TTI1: variants seen among roughly 807,000 people sequenced by gnomAD.
TTI1 encodes TELO2 interacting protein 1, also known as TELO2-interacting protein 1 homolog.
TTI1 carries 52 observed loss-of-function variants against 85.4 expected under a neutral mutation model. The ratio of observed to expected loss-of-function variants is 0.61; its 90% CI spans 0.49 to 0.77. The LOEUF is 0.77. Among genes scored for constraint, TTI1 ranks in the 30% least tolerant of loss-of-function variants. The pLI is 0.00. For synonymous variants in TTI1, 512 were observed against 503.9 expected (o/e 1.02, Z -0.22); for missense variants, 1,173 against 1,296.0 (o/e 0.91, Z 1.46).
intron 7 of TTI1, among the ~76,000 whole-genome samples, chr20:37,984,421 T>G (rs934492866): frequency 2.0e-5 from 3 of 152,186 alleles, no homozygotes; most frequent in Non-Finnish European, 2.9e-5. Context: ...TTTATCTTCG[T>G]CTGAACTTTG....
chr20:38,014,787 A>T (rs1328444528), intron 1 of TTI1, among the ~76,000 whole-genome samples: 3 of 152,166 alleles, frequency 2.0e-5, no homozygotes, highest in Non-Finnish European at 4.4e-5. Context: ...TGTGAAGAGA[A>T]ATTCAAAGTC....
At chr20:37,993,259 T>C (rs2122498129) in intron 7 of TTI1, among the ~76,000 whole-genome samples, 1 of 138,916 alleles carries the variant, frequency 7.2e-6, no homozygotes, top group South Asian at 2.4e-4. Context: ...CAAGGCACAT[T>C]TGCTAGATAA....
At chr20:37,995,370 C>G (rs532523849) in intron 7 of TTI1, among the ~76,000 whole-genome samples, 1 of 152,394 alleles carries the variant, frequency 6.6e-6, no homozygotes, top group African/African-American at 2.4e-5. Context: ...CCTCACTGCA[C>G]AGTCAGAGCA....
chr20:37,989,566 T>C (rs764428499), intron 7 of TTI1, among the ~76,000 whole-genome samples: 4 of 152,256 alleles, frequency 2.6e-5, no homozygotes, highest in Non-Finnish European at 4.4e-5. Context: ...CCAGTTCTCC[T>C]GCCTCCAGGA....
chr20:37,990,033 A>T (rs2073241425), intron 7 of TTI1, among the ~76,000 whole-genome samples: 2 of 152,164 alleles, frequency 1.3e-5, no homozygotes, highest in South Asian at 4.1e-4. Flanking sequence ...AAAAACTCTT[A>T]TTCAGGTACT....
In TTI1 at chr20:37,983,459, C is replaced by G. The variant is rs199770380; in HGVS notation, c.3267G>C (p.Gln1089His). Residue 1089 changes from glutamine (Q) to histidine (H), a missense_variant, in exon 8 of 8, where the codon CAG (glutamine) becomes CAC (histidine). Gln to His is a conservative substitution (Grantham distance 24). Coordinates refer to ENST00000373447, the MANE Select transcript of TTI1 (RefSeq NM_001303457.2). The part of the protein sequence containing the change: ...TNVLQLLKEL[Q>H] The stretch of plus-strand genomic sequence containing the variant: ...CCTCTGTGGTGGGGGAGCAGGGTCA[C>G]TGCAGCTCCTTGAGCAGCTGGAGCA... 5.0e-6 allele frequency: 8 copies of G among 1,609,828 alleles called. No individual in the cohort carries two copies. In the Admixed American group the frequency reaches 1.2e-4, roughly 24 times the overall value.
intron 4 of TTI1, among the ~76,000 whole-genome samples, chr20:38,000,230 C>T (rs567875267): frequency 2.0e-5 from 3 of 152,040 alleles, no homozygotes; most frequent in South Asian, 4.1e-4. Flanking sequence ...ATGGGGAGCA[C>T]GCGGGAGGAG....
chr20:37,999,480 G>A (rs2073390181), intron 4 of TTI1, 152 bp from the exon 5 acceptor site: 1 of 827,106 alleles, frequency 1.2e-6, no homozygotes, highest in East Asian at 3.4e-5. Flanking sequence ...GCTAGGTACT[G>A]AGGGGACACA....
At position 37,992,193 on chromosome 20, in the gene TTI1, G is replaced by C. The variant is rs551287358; in HGVS notation, c.3086+4182C>G. On this transcript the variant is annotated intron_variant, in intron 7 of 7. Transcript: ENST00000373447. ...CCCTATCTGGGCTCTGGGGTTAGCA[G>C]GTGGGAGTAGGACTGGGGGTGGAGG... is the stretch of plus-strand genomic sequence containing the variant. Among the ~76,000 whole-genome samples, 8 of 152,336 alleles carry C rather than the reference G, an allele frequency of 5.3e-5. No individual in the cohort carries two copies. In the East Asian group the frequency reaches 1.5e-3, roughly 29 times the overall value.
rs765840379 is a variant in TTI1 at position 37,996,400 on chromosome 20, C to T, written c.3061G>A (p.Val1021Met). Residue 1021 changes from valine to methionine, a missense_variant, in exon 7 of 8, where the codon GTG (valine) becomes ATG (methionine). By Grantham distance (21) the Val-to-Met change is conservative. Transcript: ENST00000373447. ...CLIYLSVKQP[V>M]KLQEAARSVF... ...CTCCTGGCAGCCTCTTGTAATTTCA[C>T]GGGCTGTTTGACACTGAGGTAAATC... The T allele has an allele frequency of 1.5e-5, 25 of 1,613,974 alleles. 1 individual carries two copies. Among genetic ancestry groups the T allele is most frequent in the African/African-American group, 1.2e-4 (9 of 74,910 alleles).
At chr20:37,987,275 T>C (rs1600599128) in intron 7 of TTI1, 2 of 456,750 alleles carry the variant, frequency 4.4e-6, no homozygotes, top group East Asian at 6.9e-5. Context: ...AAAGCCAAAG[T>C]TGTTGAAAAC....
At chr20:38,019,496 G>A (rs1305485669) in intron 1 of TTI1, among the ~76,000 whole-genome samples, 1 of 152,136 alleles carries the variant, frequency 6.6e-6, no homozygotes, top group Non-Finnish European at 1.5e-5. Flanking sequence ...AACATGTCAA[G>A]ATGTTAAATG....
At chr20:38,018,631 A>C (rs1258714591) in intron 1 of TTI1, among the ~76,000 whole-genome samples, 1 of 152,210 alleles carries the variant, frequency 6.6e-6, no homozygotes, top group Non-Finnish European at 1.5e-5. Flanking sequence ...GAACACACAG[A>C]CATCATAGTC....
intron 7 of TTI1, among the ~76,000 whole-genome samples, chr20:37,988,517 G>A (rs756557259): frequency 2.6e-4 from 39 of 152,266 alleles, no homozygotes; most frequent in Middle Eastern, 3.4e-3. Context: ...TGAAATGCAG[G>A]GCTTCCAGCT....
rs140721312 is a variant in TTI1, at chr20:37,995,079, C to G, written c.3086+1296G>C. 3.5e-3 allele frequency among the ~76,000 whole-genome samples: 527 copies of G among 152,284 alleles called. 2 individuals are homozygous for G. Among genetic ancestry groups the G allele is most frequent in the African/African-American group, 0.012 (498 of 41,552 alleles). On this transcript the variant is annotated intron_variant, in intron 7 of 7. Coordinates refer to ENST00000373447, the MANE Select transcript of TTI1 (RefSeq NM_001303457.2). ...TTGAGTTGCACTTTAAGTCACAGCA[C>G]AATCAGCTCCAGGGGCACCGCCCAG...
At chr20:38,004,054 A>G (rs1259797777) in intron 3 of TTI1, among the ~76,000 whole-genome samples, 1 of 152,140 alleles carries the variant, frequency 6.6e-6, no homozygotes, top group African/African-American at 2.4e-5. Context: ...ACCTATTAGC[A>G]ACTTCTTTCA....
chr20:38,025,543 T>C (rs2073825843), intron 1 of TTI1, among the ~76,000 whole-genome samples: 1 of 150,216 alleles, frequency 6.7e-6, no homozygotes, highest in Non-Finnish European at 1.5e-5. Context: ...CACTCCAGCC[T>C]GGGCAACAAG....
chr20:37,999,647 C>T (rs2073392735), intron 4 of TTI1, among the ~76,000 whole-genome samples: 2 of 152,144 alleles, frequency 1.3e-5, no homozygotes, highest in Admixed American at 1.3e-4. Flanking sequence ...AGGATCTAAA[C>T]CACAGACTGT....
chr20:37,983,612 G>A lies in TTI1; in HGVS notation c.3114C>T (p.Asp1038=). 6.5e-7 allele frequency: 1 copy of A among 1,543,874 alleles called. No homozygotes were observed. The highest frequency in any genetic ancestry group is 2.4e-5 in the East Asian group (1 of 42,308). ...TCAGGAGGAACCAGGTGGAGTCTGG[G>A]TCCACCTTCATCAAGTGGAGGAAGA... ...RSVFLHLMKV[D]PDSTWFLLNE... Residue 1038 remains aspartate, a synonymous_variant, in exon 8 of 8, where the codon GAC becomes GAT. Transcript: ENST00000373447.
Sources: gnomAD v4.1 joint callset for allele counts (sites outside exome capture counted in the v4.1 genomes callset) on GRCh38, gnomAD v4.1.1 for gene constraint, MANE v1.5 for transcripts, NCBI Gene and HGNC (gene_info 2026-07-23, HGNC 2026-07-21) for gene names.